STK10: variants seen among roughly 807,000 people sequenced by gnomAD.
STK10 encodes serine/threonine-protein kinase 10.
In STK10, 78 loss-of-function variants were observed where a neutral mutation model predicts 113.8. That is an observed-to-expected ratio of 0.69 (90% CI 0.57 to 0.83). The LOEUF (loss-of-function observed/expected upper bound fraction) is 0.83, where lower values mean the gene tolerates loss of function less well. STK10 is among the 40% of genes least tolerant of loss of function. The pLI is 0.00. For synonymous variants in STK10, 465 were observed against 494.7 expected (o/e 0.94, Z 0.80); for missense variants, 1,109 against 1,280.1 (o/e 0.87, Z 2.04).
chr5:172,044,789 G>C lies in STK10; in HGVS notation c.*93C>G. Reference sequence around the variant, plus strand: ...TGGATTTGAGCTGGCACAGACGCAAGAGGGAAAAGGGGTCCTGAGTTACAT... The same window carrying C: ...TGGATTTGAGCTGGCACAGACGCAACAGGGAAAAGGGGTCCTGAGTTACAT... On this transcript the variant is annotated 3_prime_UTR_variant, in exon 19 of 19. Coordinates refer to ENST00000176763, the MANE Select transcript of STK10 (RefSeq NM_005990.4). This position sits in a 1 kb window ranked among gnomAD's most constrained non-coding sequence, Gnocchi z 4.5. 1 of 1,598,562 alleles carries C rather than the reference G, an allele frequency of 6.3e-7. No homozygotes were observed. The highest frequency in any genetic ancestry group is 1.7e-5 in the Admixed American group (1 of 59,922).
intron 9 of STK10, among the ~76,000 whole-genome samples, chr5:172,090,891 C>T (rs1469807430): frequency 4.2e-5 from 6 of 142,808 alleles, no homozygotes; most frequent in South Asian, 4.4e-4. Flanking sequence ...GCTTAGATCA[C>T]GCCACTGCAC....
Position 172,054,419 on chromosome 5 carries a change from G to A in STK10, c.2652+150C>T, listed in dbSNP as rs1156855766. 6 of 1,199,310 alleles carry A rather than the reference G, an allele frequency of 5.0e-6. No homozygotes were observed. The Middle Eastern group carries it at 1.2e-3, about 232-fold the overall frequency. The allele number at this position is 1,199,310 out of a possible 1,614,324, so 74.3% of individuals were successfully genotyped here. A position where few individuals can be genotyped will look rare whatever the true frequency, so the allele number is the denominator to read the frequency against. ...ATTTGCCCAACCTCACAGAGCCCTA[G>A]AGCAGCATGGCAGGGCTGGAAACCA... On this transcript the variant is annotated intron_variant, in intron 17 of 18. Coordinates refer to ENST00000176763, the MANE Select transcript of STK10 (RefSeq NM_005990.4).
chr5:172,054,828 C>G, intron 16 of STK10, 134 bp from the exon 17 acceptor site: 1 of 1,297,248 alleles, frequency 7.7e-7, no homozygotes, highest in South Asian at 1.4e-5. Flanking sequence ...CCAGCACCAC[C>G]TCAGGCTGTG....
rs1012488589 is a variant in STK10 at position 172,052,086 on chromosome 5, C to G, written c.2766+843G>C. Among the ~76,000 whole-genome samples, 2 of 152,178 alleles carry G rather than the reference C, an allele frequency of 1.3e-5. 1 individual carries two copies. Among genetic ancestry groups the G allele is most frequent in the South Asian group, 4.1e-4 (2 of 4,832 alleles). ...ACCTCTGAATGTGGTATCATTCCTG[C>G]AAGCAGGGAGGCTATCCCGTGACCC... On this transcript the variant is annotated intron_variant, in intron 18 of 18. Transcript: ENST00000176763.
chr5:172,150,384 G>C (rs528018624), intron 2 of STK10, among the ~76,000 whole-genome samples: 8 of 151,720 alleles, frequency 5.3e-5, no homozygotes, highest in Non-Finnish European at 8.8e-5. Flanking sequence ...GGGAAGCTGA[G>C]GCAGGAGAAT....
chr5:172,166,980 T>A (rs1226842539), intron 1 of STK10, among the ~76,000 whole-genome samples: 1 of 151,794 alleles, frequency 6.6e-6, no homozygotes, highest in African/African-American at 2.4e-5. Context: ...ACCAACATAG[T>A]GAAACCCCGT....
rs1482205695 is a variant in STK10 at position 172,087,613 on chromosome 5, T to G, written c.1685+2619A>C. ...TTTACAATTTATTTTTTAAATTTATTTACTTATTTATTTTTTTTTTTTTTT... is the reference window on the plus strand; with the variant it reads ...TTTACAATTTATTTTTTAAATTTATGTACTTATTTATTTTTTTTTTTTTTT... On this transcript the variant is annotated intron_variant, in intron 10 of 18. Transcript: ENST00000176763. Among the ~76,000 whole-genome samples the G allele has an allele frequency of 2.2e-5, 3 of 134,152 alleles. 1 individual carries two copies. Among genetic ancestry groups the G allele is most frequent in the African/African-American group, 1.0e-4 (3 of 29,722 alleles). The allele number at this position is 134,152 out of a possible 152,430, so 88.0% of individuals were successfully genotyped here.
Position 172,044,228 on chromosome 5 carries a change from G to A in STK10, c.*654C>T, listed in dbSNP as rs534040223. On this transcript the variant is annotated 3_prime_UTR_variant, in exon 19 of 19. Transcript: ENST00000176763. The surrounding 1 kb of genome is among the most constrained non-coding windows in gnomAD (Gnocchi z 4.5). ...CACACCCATGTGCAGGAAGGGGGAC[G>A]CGAGATGGCATGAAACACGGGAGAA... 8 of 154,740 alleles carry A rather than the reference G, an allele frequency of 5.2e-5. No individual in the cohort carries two copies. The East Asian group carries it at 9.6e-4, about 19-fold the overall frequency. The allele number at this position is 154,740 out of a possible 1,614,324, so 9.6% of individuals were successfully genotyped here.
chr5:172,181,615 C>G (rs1770857440), intron 1 of STK10, among the ~76,000 whole-genome samples: 1 of 151,356 alleles, frequency 6.6e-6, no homozygotes, highest in Non-Finnish European at 1.5e-5. Context: ...CCCTGAGTAG[C>G]TGGGATTACA....
intron 1 of STK10, among the ~76,000 whole-genome samples, chr5:172,167,750 G>A (rs542602698): frequency 5.9e-5 from 9 of 152,220 alleles, no homozygotes; most frequent in South Asian, 2.1e-4. Flanking sequence ...CACATTTCAC[G>A]TGCCACCACA....
In STK10 at chr5:172,106,401, C is replaced by CAAA. The variant is rs368671444; in HGVS notation, c.788+216_788+218dup. ...TGGGCAAAAGAGTGAGACCCTATCT[C>CAAA]AAAAAAAAAAAAAAAAAGGAACACA... is the stretch of plus-strand genomic sequence containing the variant. On this transcript the variant is annotated intron_variant, in intron 6 of 18. Coordinates refer to ENST00000176763, the MANE Select transcript of STK10 (RefSeq NM_005990.4). 7.5e-4 allele frequency among the ~76,000 whole-genome samples: 40 copies of CAAA among 53,458 alleles called. 2 individuals are homozygous for CAAA. In the East Asian group the frequency reaches 8.5e-3, roughly 11 times the overall value. The allele number at this position is 53,458 out of a possible 152,430, so 35.1% of individuals were successfully genotyped here.
At chr5:172,147,067 G>A (rs897694132) in intron 2 of STK10, among the ~76,000 whole-genome samples, 3 of 152,158 alleles carry the variant, frequency 2.0e-5, no homozygotes, top group Non-Finnish European at 1.5e-5. Context: ...TGGTTAATTT[G>A]CTGGAACTGG....
At chr5:172,129,307 G>A (rs1466968986) in intron 2 of STK10, among the ~76,000 whole-genome samples, 1 of 152,202 alleles carries the variant, frequency 6.6e-6, no homozygotes, top group African/African-American at 2.4e-5. Flanking sequence ...GGAGGGCTGT[G>A]TGCCACGGCA....
At chr5:172,116,590 G>A (rs1044226508) in intron 4 of STK10, among the ~76,000 whole-genome samples, 3 of 151,998 alleles carry the variant, frequency 2.0e-5, no homozygotes, top group African/African-American at 4.8e-5. Context: ...GTTTTGAGCC[G>A]GGCGGGGTGG....
At chr5:172,076,058 G>T (rs1768297513) in intron 12 of STK10, among the ~76,000 whole-genome samples, 2 of 151,806 alleles carry the variant, frequency 1.3e-5, no homozygotes, top group Non-Finnish European at 2.9e-5. Context: ...CTTCTCCTAT[G>T]TTCTTTGGCC....
intron 13 of STK10, among the ~76,000 whole-genome samples, chr5:172,063,254 A>G (rs1767973868): frequency 1.3e-5 from 2 of 152,074 alleles, no homozygotes; most frequent in Admixed American, 1.3e-4. Flanking sequence ...CATCTCAAAA[A>G]AGAAAAAAAA....
intron 2 of STK10, among the ~76,000 whole-genome samples, chr5:172,137,454 A>G (rs1250116066): frequency 6.6e-6 from 1 of 152,194 alleles, no homozygotes; most frequent in Non-Finnish European, 1.5e-5. Context: ...AAGGAGATAA[A>G]AAAAAACTAC....
chr5:172,056,992 AAAGAGAAAGAAG>A (rs1302501104), intron 15 of STK10: 97 of 99,662 alleles, frequency 9.7e-4, no homozygotes, highest in African/African-American at 2.9e-3. Flanking sequence ...AGAAAGAAAG[AAAGAGAAAGAAG>A]GAAAGAAAGA....
chr5:172,173,952 G>A (rs940893106), intron 1 of STK10, among the ~76,000 whole-genome samples: 2 of 152,216 alleles, frequency 1.3e-5, no homozygotes, highest in Non-Finnish European at 2.9e-5. Context: ...GATCAGAGGG[G>A]TGAGGTGACT....
Sources: allele counts gnomAD v4.1 joint callset (sites outside exome capture counted in the v4.1 genomes callset), GRCh38; gene constraint gnomAD v4.1.1; non-coding constraint Gnocchi (gnomAD v3.1); transcripts MANE v1.5; gene names NCBI Gene and HGNC (gene_info 2026-07-23, HGNC 2026-07-21).